Variants in IPP observed in about 807,000 individuals in gnomAD.
The protein encoded by IPP is actin-binding protein IPP.
Under a neutral mutation model 64.1 loss-of-function variants are expected in IPP, and 41 were observed. The observed-to-expected ratio is 0.64, with a 90% CI of 0.50 to 0.83. The LOEUF (loss-of-function observed/expected upper bound fraction) is 0.83. IPP is among the 40% of genes least tolerant of loss of function. IPP has a pLI of 0.00. For missense variants in IPP, 649 were observed against 703.0 expected (o/e 0.92, Z 0.87); for synonymous variants, 214 against 235.2 (o/e 0.91, Z 0.83).
chr1:45,734,936 C>T (rs1164408474), intron 3 of IPP, among the ~76,000 whole-genome samples: 2 of 152,204 alleles, frequency 1.3e-5, no homozygotes, highest in African/African-American at 4.8e-5. Context: ...TGTGCCACCA[C>T]ACCCAGCTAA....
At chr1:45,738,743 G>A (rs1202980400) in intron 3 of IPP, among the ~76,000 whole-genome samples, 1 of 150,792 alleles carries the variant, frequency 6.6e-6, no homozygotes, top group Admixed American at 6.6e-5. Flanking sequence ...GGGAGGCTGA[G>A]GCAGGAGAAT....
intron 5 of IPP, among the ~76,000 whole-genome samples, chr1:45,724,288 A>G (rs1473966779): frequency 6.6e-6 from 1 of 151,834 alleles, no homozygotes; most frequent in African/African-American, 2.4e-5. Flanking sequence ...TCAGTGCTCA[A>G]TGGTGCCCAG....
Position 45,699,231 on chromosome 1 carries a change from G to C in IPP, c.*735C>G. ...AGATATTTCCCAAACACCCCTCCTAGGATATCTGCTGCCAATAAAAAGTTT... is the reference window on the plus strand; with the variant it reads ...AGATATTTCCCAAACACCCCTCCTACGATATCTGCTGCCAATAAAAAGTTT... On this transcript the variant is annotated 3_prime_UTR_variant, in exon 9 of 9. Coordinates refer to ENST00000396478, the MANE Select transcript of IPP (RefSeq NM_005897.3). 1 of 985,140 alleles carries C rather than the reference G, an allele frequency of 1.0e-6. No homozygotes were observed. The highest frequency in any genetic ancestry group is 1.2e-6 in the Non-Finnish European group (1 of 829,780). The allele number at this position is 985,140 out of a possible 1,614,324, so 61.0% of individuals were successfully genotyped here.
rs929217863 is a variant in IPP, at chr1:45,698,984, C to T, written c.*982G>A. 4.2e-6 allele frequency: 4 copies of T among 945,354 alleles called. No homozygotes were observed. The South Asian group carries it at 2.0e-4, about 46-fold the overall frequency. 58.6% of individuals were successfully genotyped at this position (945,354 alleles called of 1,614,324 possible). ...CCATCTTCCCGTCTCACCTCGGCCT[C>T]TCAAAGTGCTGGGATTACAGGTGTG... On this transcript the variant is annotated 3_prime_UTR_variant, in exon 9 of 9. Coordinates refer to ENST00000396478, the MANE Select transcript of IPP (RefSeq NM_005897.3).
At chr1:45,725,307 C>T (rs2148566653) in intron 5 of IPP, among the ~76,000 whole-genome samples, 4 of 140,016 alleles carry the variant, frequency 2.9e-5, no homozygotes, top group South Asian at 2.3e-4. Flanking sequence ...AGCCCCTCTG[C>T]CCGGCCAGCC....
chr1:45,750,423 G>A (rs1344689546), intron 1 of IPP, among the ~76,000 whole-genome samples, 174 bp downstream of exon 1: 1 of 152,220 alleles, frequency 6.6e-6, no homozygotes, highest in Non-Finnish European at 1.5e-5. Flanking sequence ...GTCTGGGGAG[G>A]GCGACACTTA....
At chr1:45,711,325 G>A (rs931502412) in intron 8 of IPP, among the ~76,000 whole-genome samples, 2 of 151,696 alleles carry the variant, frequency 1.3e-5, no homozygotes, top group South Asian at 2.1e-4. Context: ...TGGCAACAGA[G>A]TGAAAACTCC....
rs1418968912 is a variant in IPP, at chr1:45,741,917, C to G, written c.293-585G>C. On this transcript the variant is annotated intron_variant, in intron 2 of 8. Transcript: ENST00000396478. ...TGCTGGGATTACAGGCGTGAGCCAC[C>G]GCGCCCAGCCTTATTTTCATATTAA... Among the ~76,000 whole-genome samples, 14 of 77,946 alleles carry G rather than the reference C, an allele frequency of 1.8e-4. 3 individuals are homozygous for G. The highest frequency in any genetic ancestry group is 4.2e-4 in the Non-Finnish European group (14 of 33,566). 51.1% of individuals were successfully genotyped at this position (77,946 alleles called of 152,430 possible). A position where few individuals can be genotyped will look rare whatever the true frequency, so the allele number is the denominator to read the frequency against.
chr1:45,694,700 G>A (rs188762963), downstream of IPP: 37 of 522,618 alleles, frequency 7.1e-5, no homozygotes, highest in East Asian at 1.2e-3. Context: ...ATGTTTTCCA[G>A]TTTTTATTAG....
intron 8 of IPP, among the ~76,000 whole-genome samples, chr1:45,703,290 T>C (rs1645477784): frequency 6.7e-6 from 1 of 149,326 alleles, no homozygotes; most frequent in South Asian, 2.1e-4. Flanking sequence ...GTTTTCACCA[T>C]GTTGCCCAGG....
rs1163566859 is a variant in IPP, at chr1:45,700,055, C to T, written c.1666G>A (p.Val556Ile). The change falls in exon 9 of 9, where the codon GTT (valine) becomes ATT (isoleucine). Residue 556 changes from valine (V) to isoleucine (I), a missense_variant. Transcript: ENST00000396478. Reference sequence around the variant, plus strand: ...TCTGAATGAGGGTTATAAACTTCAACTGAGTCCAAGGTACCTGGAGCCAAA... The same window carrying T: ...TCTGAATGAGGGTTATAAACTTCAATTGAGTCCAAGGTACCTGGAGCCAAA... The part of the protein sequence containing the change: ...DFLAPGTLDS[V>I]EVYNPHSDTW... 1.2e-6 allele frequency: 2 copies of T among 1,614,066 alleles called. No homozygotes were observed. The highest frequency in any genetic ancestry group is 3.3e-5 in the Admixed American group (2 of 60,004).
chr1:45,729,261 T>C (rs959249177), intron 4 of IPP, among the ~76,000 whole-genome samples: 25 of 152,256 alleles, frequency 1.6e-4, no homozygotes, highest in African/African-American at 6.0e-4. Flanking sequence ...ACTAGGATAC[T>C]GTGAATAGTT....
rs778336554 is a variant in IPP at position 45,719,342 on chromosome 1, T to C, written c.1049-2A>G. Reference sequence around the variant, plus strand: ...CAAAAATCATTGAATCCTTTTCACCTGAGTTAAATAAAAGAGACAAATATT... The same window carrying C: ...CAAAAATCATTGAATCCTTTTCACCCGAGTTAAATAAAAGAGACAAATATT... On this transcript the variant is annotated splice_acceptor_variant, in intron 5 of 8. Coordinates refer to ENST00000396478, the MANE Select transcript of IPP (RefSeq NM_005897.3). LOFTEE classifies it high-confidence loss of function. 1.3e-6 allele frequency: 2 copies of C among 1,577,812 alleles called. No individual in the cohort carries two copies. The highest frequency in any genetic ancestry group is 3.7e-5 in the Admixed American group (2 of 54,030).
At chr1:45,718,758 T>C (rs1403393376) in intron 6 of IPP, among the ~76,000 whole-genome samples, 6 of 152,158 alleles carry the variant, frequency 3.9e-5, no homozygotes, top group East Asian at 3.8e-4. Context: ...TTTATAAACA[T>C]TGCATATTCT....
intron 2 of IPP, among the ~76,000 whole-genome samples, chr1:45,745,682 T>C (rs1245083524): frequency 1.3e-5 from 2 of 150,028 alleles, no homozygotes; most frequent in Admixed American, 1.3e-4. Flanking sequence ...CACAGTGAAA[T>C]CCTGTCTCTA....
chr1:45,704,699 G>C (rs1027524274), intron 8 of IPP, among the ~76,000 whole-genome samples: 6 of 152,204 alleles, frequency 3.9e-5, no homozygotes, highest in Non-Finnish European at 8.8e-5. Context: ...ATATGTGTGT[G>C]AAAACCTGTT....
At chr1:45,701,130 G>T (rs1645444686) in intron 8 of IPP, among the ~76,000 whole-genome samples, 1 of 152,148 alleles carries the variant, frequency 6.6e-6, no homozygotes, top group Non-Finnish European at 1.5e-5. Context: ...AAAAGACAAA[G>T]CATATATCAA....
chr1:45,738,859 AAAAAAAC>A (rs1557758691), intron 3 of IPP, among the ~76,000 whole-genome samples: 1 of 151,018 alleles, frequency 6.6e-6, no homozygotes, highest in East Asian at 1.9e-4. Flanking sequence ...AAAAAAAAAA[AAAAAAAC>A]AAGAAAAAAA....
intron 4 of IPP, among the ~76,000 whole-genome samples, chr1:45,728,397 G>A (rs941736918): frequency 6.6e-6 from 1 of 151,460 alleles, no homozygotes; most frequent in East Asian, 1.9e-4. Flanking sequence ...TCATACATAA[G>A]GTACTTACAT....
Sources: gnomAD v4.1 joint callset for allele counts (sites outside exome capture counted in the v4.1 genomes callset) on GRCh38, gnomAD v4.1.1 for gene constraint, MANE v1.5 for transcripts, NCBI Gene and HGNC (gene_info 2026-07-23, HGNC 2026-07-21) for gene names.